CENPI: variants seen among roughly 807,000 people sequenced by gnomAD.
The protein encoded by CENPI is centromere protein I, also known as FSH primary response 1.
A neutral mutation model predicts 60.4 loss-of-function variants in CENPI; 4 were observed. The ratio of observed to expected loss-of-function variants is 0.07; its 90% CI spans 0.03 to 0.15. The LOEUF is 0.15. Ranked by LOEUF, CENPI falls within the 10% of genes least tolerant of loss-of-function variation. CENPI has a pLI of 1.00. For synonymous variants in CENPI, 157 were observed against 189.4 expected, an observed-to-expected ratio of 0.83 and a Z score of 1.40; for missense variants, 444 against 534.5, an observed-to-expected ratio of 0.83 and a Z score of 1.67.
intron 18 of CENPI, among the ~76,000 whole-genome samples, chrX:101,147,345 G>A (rs1445553532): frequency 9.1e-6 from 1 of 110,127 alleles, no homozygotes; most frequent in Non-Finnish European, 1.9e-5. Flanking sequence ...TTTAAGACCT[G>A]CATGCATTAG....
At position 101,146,257 on chromosome X, in the gene CENPI, G is replaced by T; in HGVS notation, c.1806G>T (p.Gln602His). 8.3e-7 allele frequency: 1 copy of T among 1,208,969 alleles called. No homozygotes were observed. The highest frequency in any genetic ancestry group is 1.1e-6 in the Non-Finnish European group (1 of 894,020). Reference sequence around the variant, plus strand: ...GCCTGGATACCAGCATCCTGAACCAGCTGTGTTTTATTATGCACAGGTACA... The same window carrying T: ...GCCTGGATACCAGCATCCTGAACCATCTGTGTTTTATTATGCACAGGTACA... Reference protein sequence around the residue: ...LLSLDTSILNQLCFIMHRYRK... With the variant: ...LLSLDTSILNHLCFIMHRYRK... The change falls in exon 18 of 22, where the codon CAG becomes CAT. Residue 602 changes from glutamine (Q) to histidine (H), a missense_variant. Coordinates refer to ENST00000682095, the MANE Select transcript of CENPI (RefSeq NM_001386188.2).
chrX:101,170,213 CTG>C (rs1569505362), downstream of CENPI, among the ~76,000 whole-genome samples: 1 of 111,824 alleles, frequency 8.9e-6, no homozygotes, highest in East Asian at 2.8e-4. Context: ...TGTACTTTTT[CTG>C]TGTTTAGATA....
chrX:101,108,475 C>T (rs1461638923), intron 4 of CENPI, among the ~76,000 whole-genome samples: 1 of 110,399 alleles, frequency 9.1e-6, no homozygotes, highest in Non-Finnish European at 1.9e-5. Flanking sequence ...AGATTATAGG[C>T]ATGTGTCACC....
chrX:101,131,199 CGG>C (rs2089792624), intron 13 of CENPI, among the ~76,000 whole-genome samples: 1 of 110,270 alleles, frequency 9.1e-6, no homozygotes, highest in Admixed American at 9.8e-5. Context: ...TTTGTAAAAA[CGG>C]GGATTTACCA....
At chrX:101,142,709 A>C (rs2089925366) in intron 16 of CENPI, among the ~76,000 whole-genome samples, 1 of 111,363 alleles carries the variant, frequency 9.0e-6, no homozygotes, top group Admixed American at 9.6e-5. Context: ...TCTTGTGGAG[A>C]AACACTTCAA....
At chrX:101,111,749 G>C (rs976240765) in intron 6 of CENPI, among the ~76,000 whole-genome samples, 1 of 111,641 alleles carries the variant, frequency 9.0e-6, no homozygotes, top group Admixed American at 9.6e-5. Context: ...AAGAATGACT[G>C]ATGGCCAAGC....
chrX:101,170,484 A>G (rs1307262774), downstream of CENPI, among the ~76,000 whole-genome samples: 1 of 112,120 alleles, frequency 8.9e-6, no homozygotes, highest in Non-Finnish European at 1.9e-5. Flanking sequence ...TTAACATCCA[A>G]AAGGTAGTTA....
chrX:101,162,801 G>T (rs762960465), intron 21 of CENPI, 32 bp from the exon 22 acceptor site: 9 of 1,198,792 alleles, frequency 7.5e-6, no homozygotes, highest in South Asian at 1.8e-5. Context: ...TAAAATATTC[G>T]ATAAGTAATT....
the CENPI span, among the ~76,000 whole-genome samples, chrX:101,175,973 A>G: frequency 9.0e-6 from 1 of 111,251 alleles, no homozygotes; most frequent in Non-Finnish European, 1.9e-5. Flanking sequence ...TCTGGTATCT[A>G]TCATTCTATT....
rs1370235203 is a variant in CENPI at position 101,163,891 on chromosome X, C to T, written c.*924C>T. ...TCTACTAAAAATACAAAAAATTGGC[C>T]GGGCATGCCGGCACGTGCCTGTAGT... On this transcript the variant is annotated 3_prime_UTR_variant, in exon 22 of 22. Transcript: ENST00000682095. 4.5e-5 allele frequency among the ~76,000 whole-genome samples: 5 copies of T among 110,592 alleles called. No homozygotes were observed. Among genetic ancestry groups the T allele is most frequent in the South Asian group, 7.8e-4 (2 of 2,580 alleles).
At chrX:101,148,500 C>T (rs1000264894) in intron 20 of CENPI, among the ~76,000 whole-genome samples, 3 of 111,779 alleles carry the variant, frequency 2.7e-5, no homozygotes, top group African/African-American at 9.7e-5. Flanking sequence ...TGTAAGGAAA[C>T]GCTTCATAGA....
intron 13 of CENPI, among the ~76,000 whole-genome samples, chrX:101,131,578 A>G (rs1179140468): frequency 9.0e-6 from 1 of 111,694 alleles, no homozygotes; most frequent in African/African-American, 3.3e-5. Flanking sequence ...AGAGATACAG[A>G]TTTAGGACCC....
chrX:101,102,496 T>TACAC lies in CENPI; in HGVS notation c.364+103_364+106dup, dbSNP rs35162075. Reference sequence around the variant, plus strand: ...TTTAAAAATAAATCTTATATATATATACACACACACACACACACACATATA... The same window carrying TACAC: ...TTTAAAAATAAATCTTATATATATATACACACACACACACACACACACACATATA... On this transcript the variant is annotated intron_variant, in intron 4 of 21. Transcript: ENST00000682095. 7.9e-3 allele frequency: 1,998 copies of TACAC among 251,505 alleles called. 39 individuals are homozygous for TACAC. Among genetic ancestry groups the TACAC allele is most frequent in the African/African-American group, 0.058 (1,671 of 28,569 alleles). The allele number at this position is 251,505 out of a possible 1,213,427, so 20.7% of individuals were successfully genotyped here.
At chrX:101,106,180 A>T (rs771305809) in intron 4 of CENPI, among the ~76,000 whole-genome samples, 1 of 111,720 alleles carries the variant, frequency 9.0e-6, no homozygotes, top group African/African-American at 3.2e-5. Flanking sequence ...TGGTGGTGAG[A>T]CTATTTTAAA....
chrX:101,102,516 C>CACACACACACATAT (rs778560144), intron 4 of CENPI, 105 bp downstream of exon 4: 10 of 210,642 alleles, frequency 4.7e-5, no homozygotes, highest in Middle Eastern at 1.8e-3. Flanking sequence ...CACACACACA[C>CACACACACACATAT]ATATATATAT....
chrX:101,150,413 C>A (rs2089997252), intron 20 of CENPI, among the ~76,000 whole-genome samples: 1 of 109,432 alleles, frequency 9.1e-6, no homozygotes, highest in African/African-American at 3.3e-5. Flanking sequence ...CTCTGTCCCC[C>A]AGGATGGAGT....
intron 4 of CENPI, among the ~76,000 whole-genome samples, chrX:101,108,898 C>T (rs778666688): frequency 2.4e-4 from 26 of 110,589 alleles, no homozygotes; most frequent in African/African-American, 7.9e-4. Flanking sequence ...CCGCTTGCCT[C>T]GGCCTCCCAA....
chrX:101,118,966 A>G (rs2089649671), intron 6 of CENPI, among the ~76,000 whole-genome samples: 1 of 111,584 alleles, frequency 9.0e-6, no homozygotes, highest in African/African-American at 3.3e-5. Flanking sequence ...AGATCACCTG[A>G]GGTCAGGAGT....
chrX:101,165,105 A>G lies in CENPI; in HGVS notation c.*2138A>G, dbSNP rs763126456. Among the ~76,000 whole-genome samples the G allele has an allele frequency of 8.0e-5, 9 of 112,401 alleles. No homozygotes were observed. The highest frequency in any genetic ancestry group is 2.9e-4 in the African/African-American group (9 of 31,012). The stretch of plus-strand genomic sequence containing the variant: ...CCAGTAAGGTTACAGCATAGTGATT[A>G]AGAGAGAAGAATGGTAAGAAGTGAC... On this transcript the variant is annotated 3_prime_UTR_variant, in exon 22 of 22. Transcript: ENST00000682095.
Sources: allele counts gnomAD v4.1 joint callset (sites outside exome capture counted in the v4.1 genomes callset), GRCh38; gene constraint gnomAD v4.1.1; transcripts MANE v1.5; gene names NCBI Gene and HGNC (gene_info 2026-07-23, HGNC 2026-07-21).